The following SUMF1 variants were observed in gnomAD, a reference collection of about 807,000 sequenced individuals.
SUMF1 encodes the protein sulfatase modifying factor 1.
SUMF1 carries 48 observed loss-of-function variants against 47.6 expected under a neutral mutation model. The observed-to-expected ratio is 1.01, with a 90% CI of 0.80 to 1.28. SUMF1 has a LOEUF of 1.28. Among genes scored for constraint, SUMF1 ranks in the 50% most tolerant of loss-of-function variants. The probability of loss-of-function intolerance (pLI) is 0.00; values close to 1 mark genes in which losing one functional copy is unlikely to be tolerated. For synonymous variants in SUMF1, 230 were observed against 192.1 expected (o/e 1.20, Z -1.63); for missense variants, 571 against 485.4 (o/e 1.18, Z -1.66).
chr3:4,121,446 C>T (rs1693538871), intron 8 of SUMF1, among the ~76,000 whole-genome samples: 1 of 152,030 alleles, frequency 6.6e-6, no homozygotes, highest in African/African-American at 2.4e-5. Flanking sequence ...GCAAGGCTAC[C>T]AATCCTTTAA....
At chr3:4,280,313 A>T (rs1372160393) in intron 8 of SUMF1, among the ~76,000 whole-genome samples, 1 of 152,142 alleles carries the variant, frequency 6.6e-6, no homozygotes, top group Non-Finnish European at 1.5e-5. Flanking sequence ...GGGTCCTAAA[A>T]AGCTTTAGCC....
chr3:4,207,621 G>A (rs951904283), intron 8 of SUMF1, among the ~76,000 whole-genome samples: 3 of 151,966 alleles, frequency 2.0e-5, no homozygotes, highest in Admixed American at 1.3e-4. Flanking sequence ...CTGATTTTGG[G>A]TTAATAAGTT....
chr3:4,461,418 A>C (rs988920418), intron 1 of SUMF1, among the ~76,000 whole-genome samples: 1 of 152,258 alleles, frequency 6.6e-6, no homozygotes, highest in African/African-American at 2.4e-5. Context: ...GAGATTTCAT[A>C]AAAGACTTAA....
chr3:4,249,292 TTTA>T (rs1299624795), intron 8 of SUMF1, among the ~76,000 whole-genome samples: 1 of 152,206 alleles, frequency 6.6e-6, no homozygotes, highest in Non-Finnish European at 1.5e-5. Flanking sequence ...TCTGCTTCAC[TTTA>T]TTGTGTTTCA....
chr3:4,410,772 A>G, intron 7 of SUMF1, 93 bp downstream of exon 7: 1 of 1,101,156 alleles, frequency 9.1e-7, no homozygotes, highest in South Asian at 1.2e-5. Flanking sequence ...GAGTATGTAA[A>G]TACCCCTCGG....
intron 8 of SUMF1, among the ~76,000 whole-genome samples, chr3:4,295,133 TTGCA>T (rs1697824172): frequency 6.6e-6 from 1 of 152,178 alleles, no homozygotes; most frequent in African/African-American, 2.4e-5. Context: ...GTAAAATTTT[TTGCA>T]TTTGGTTTTT....
At chr3:4,231,192 G>A (rs1559592298) in intron 8 of SUMF1, among the ~76,000 whole-genome samples, 1 of 152,122 alleles carries the variant, frequency 6.6e-6, no homozygotes, top group African/African-American at 2.4e-5. Context: ...GTTTTGAGAG[G>A]TGGGAACGCA....
At chr3:4,341,493 T>A (rs193121150) in intron 8 of SUMF1, among the ~76,000 whole-genome samples, 42 of 152,292 alleles carry the variant, frequency 2.8e-4, no homozygotes, top group Admixed American at 7.2e-4. Flanking sequence ...ATCTGCCAAA[T>A]GGACAAAGGG....
chr3:4,132,406 T>G (rs1693813689), intron 8 of SUMF1, among the ~76,000 whole-genome samples: 2 of 152,118 alleles, frequency 1.3e-5, no homozygotes, highest in African/African-American at 4.8e-5. Flanking sequence ...CAATGTCAAC[T>G]AGGTGACAAT....
chr3:4,297,356 G>A (rs1697873578), intron 8 of SUMF1, among the ~76,000 whole-genome samples: 1 of 152,048 alleles, frequency 6.6e-6, no homozygotes, highest in Non-Finnish European at 1.5e-5. Context: ...TTTCATGAGA[G>A]GATCCAGTGC....
At chr3:4,352,181 G>A (rs573123984) in intron 8 of SUMF1, among the ~76,000 whole-genome samples, 2 of 152,084 alleles carry the variant, frequency 1.3e-5, no homozygotes, top group African/African-American at 4.8e-5. Flanking sequence ...TAGAGAGAAC[G>A]GAAGTCACAA....
chr3:4,159,108 T>C (rs754030161), intron 8 of SUMF1, among the ~76,000 whole-genome samples: 3 of 151,410 alleles, frequency 2.0e-5, no homozygotes, highest in African/African-American at 4.9e-5. Context: ...AGTGTAATAA[T>C]ATTCTGTGTT....
intron 8 of SUMF1, among the ~76,000 whole-genome samples, chr3:4,082,151 T>G (rs982169871): frequency 6.6e-6 from 1 of 152,128 alleles, no homozygotes; most frequent in African/African-American, 2.4e-5. Context: ...CTTTTAAAAC[T>G]TTTTATGTCT....
At chr3:4,333,047 C>A (rs1049949531) in intron 8 of SUMF1, among the ~76,000 whole-genome samples, 1 of 152,182 alleles carries the variant, frequency 6.6e-6, no homozygotes, top group South Asian at 2.1e-4. Flanking sequence ...TCCAGCTCCC[C>A]ATCCATCCTG....
At chr3:4,300,935 T>C (rs1697949358) in intron 8 of SUMF1, among the ~76,000 whole-genome samples, 1 of 152,080 alleles carries the variant, frequency 6.6e-6, no homozygotes, top group Non-Finnish European at 1.5e-5. Context: ...ATCAAAAGAC[T>C]AGCATATAAA....
At chr3:4,106,767 C>T (rs1277526430) in intron 8 of SUMF1, among the ~76,000 whole-genome samples, 1 of 151,978 alleles carries the variant, frequency 6.6e-6, no homozygotes, top group African/African-American at 2.4e-5. Flanking sequence ...ATCTATTCTT[C>T]AATTAACTGA....
chr3:4,180,434 C>T (rs1484534849), intron 8 of SUMF1, among the ~76,000 whole-genome samples: 1 of 151,794 alleles, frequency 6.6e-6, no homozygotes, highest in East Asian at 1.9e-4. Flanking sequence ...CTCAGCAAAC[C>T]ATCACAAGGA....
chr3:4,376,488 T>G, intron 7 of SUMF1, 99 bp from the exon 8 acceptor site: 1 of 1,257,268 alleles, frequency 8.0e-7, no homozygotes, highest in Non-Finnish European at 1.2e-6. Flanking sequence ...TCTCTCATGG[T>G]TGCCTAAACT....
intron 9 of SUMF1, among the ~76,000 whole-genome samples, chr3:4,041,647 G>C (rs922374673): frequency 6.6e-6 from 1 of 152,154 alleles, no homozygotes; most frequent in African/African-American, 2.4e-5. Flanking sequence ...CCCATTAGTA[G>C]CATTTTTATG....
Sources: gnomAD v4.1 joint callset for allele counts (sites outside exome capture counted in the v4.1 genomes callset) on GRCh38, gnomAD v4.1.1 for gene constraint, MANE v1.5 for transcripts, NCBI Gene and HGNC (gene_info 2026-07-23, HGNC 2026-07-21) for gene names.